POU6F1: variants seen among roughly 807,000 people sequenced by gnomAD.
POU6F1 encodes POU class 6 homeobox 1, also known as POU domain, class 6, transcription factor 1.
A neutral mutation model predicts 28.9 loss-of-function variants in POU6F1; 9 were observed. That is an observed-to-expected ratio of 0.31 (90% CI 0.19 to 0.54). POU6F1 has a LOEUF of 0.54. POU6F1 is among the 20% of genes least tolerant of loss of function. The pLI, the probability that POU6F1 is intolerant of heterozygous loss-of-function variation, is 0.94. For synonymous variants in POU6F1, 173 were observed against 171.1 expected (o/e 1.01, Z -0.09); for missense variants, 338 against 426.1 (o/e 0.79, Z 1.82).
In POU6F1 at chr12:51,203,059, G is replaced by A. The variant is rs1943331376; in HGVS notation, c.244+1114C>T. ...AAAATACCTCCCTTACCTGCTTGATGGTGACTAAAATTCCTTTATAGAGGA... is the reference window on the plus strand; with the variant it reads ...AAAATACCTCCCTTACCTGCTTGATAGTGACTAAAATTCCTTTATAGAGGA... On this transcript the variant is annotated intron_variant, in intron 3 of 10. Transcript: ENST00000333640. Among the ~76,000 whole-genome samples, 2 of 152,090 alleles carry A rather than the reference G, an allele frequency of 1.3e-5. 1 individual carries two copies. The highest frequency in any genetic ancestry group is 4.1e-4 in the South Asian group (2 of 4,830).
At chr12:51,206,714 T>A in intron 2 of POU6F1, 75 bp downstream of exon 2, 1 of 398,664 alleles carries the variant, frequency 2.5e-6, no homozygotes, top group Middle Eastern at 6.3e-4. Context: ...TGAAGGGCCC[T>A]GTGGAGTCCT....
chr12:51,217,397 C>G lies in POU6F1; in HGVS notation c.-48+245G>C, dbSNP rs933139892. 6.6e-6 allele frequency among the ~76,000 whole-genome samples: 1 copy of G among 151,960 alleles called. No homozygotes were observed. Among genetic ancestry groups the G allele is most frequent in the Non-Finnish European group, 1.5e-5 (1 of 67,938 alleles). On this transcript the variant is annotated intron_variant, in intron 1 of 10. Coordinates refer to ENST00000333640, the MANE Select transcript of POU6F1 (RefSeq NM_001330422.2). The surrounding 1 kb of genome is among the most constrained non-coding windows in gnomAD (Gnocchi z 5.3). ...AGGTCCAGAGCGGCCCGCGGGCGGG[C>G]GAGGGCGCGGCCCCCGGGTGTCTAG...
chr12:51,204,414 G>A, intron 2 of POU6F1, 46 bp from the exon 3 acceptor site: 2 of 399,084 alleles, frequency 5.0e-6, no homozygotes, highest in East Asian at 3.6e-5. Flanking sequence ...GGCCAGTATA[G>A]CCGCAGGGTC....
At chr12:51,198,379 C>T (rs1942985486) in intron 5 of POU6F1, among the ~76,000 whole-genome samples, 171 bp downstream of exon 5, 2 of 152,200 alleles carry the variant, frequency 1.3e-5, no homozygotes, top group African/African-American at 2.4e-5. Context: ...GGCCTACAGT[C>T]CCGAGGTGGT....
At chr12:51,203,464 G>A (rs990592864) in intron 3 of POU6F1, among the ~76,000 whole-genome samples, 9 of 152,012 alleles carry the variant, frequency 5.9e-5, no homozygotes, top group African/African-American at 2.2e-4. Context: ...TCCAGGCTAG[G>A]GAAAAATGGT....
chr12:51,190,144 C>CAGCTGCA lies in POU6F1; in HGVS notation c.*96_*102dup. 1.3e-6 allele frequency: 2 copies of CAGCTGCA among 1,493,180 alleles called. No homozygotes were observed. The highest frequency in any genetic ancestry group is 1.8e-6 in the Non-Finnish European group (2 of 1,122,536). The allele number at this position is 1,493,180 out of a possible 1,614,324, so 92.5% of individuals were successfully genotyped here. A position where few individuals can be genotyped will look rare whatever the true frequency, so the allele number is the denominator to read the frequency against. ...GGAGTCTGATGACCTGGGGTGAGCA[C>CAGCTGCA]AGCTGCACGTGGCAAAATGACAGGT... On this transcript the variant is annotated 3_prime_UTR_variant, in exon 11 of 11. Coordinates refer to ENST00000333640, the MANE Select transcript of POU6F1 (RefSeq NM_001330422.2). The surrounding 1 kb of genome is among the most constrained non-coding windows in gnomAD (Gnocchi z 4.5).
intron 1 of POU6F1, 143 bp from the exon 2 acceptor site, chr12:51,207,026 AAAG>A (rs1157594765): frequency 2.6e-6 from 1 of 377,874 alleles, no homozygotes; most frequent in African/African-American, 2.1e-5. Context: ...AAAAAAAAAA[AAAG>A]GATTCTTTTT....
intron 2 of POU6F1, among the ~76,000 whole-genome samples, chr12:51,205,661 C>T (rs1028808947): frequency 6.6e-6 from 1 of 152,154 alleles, no homozygotes; most frequent in Non-Finnish European, 1.5e-5. Flanking sequence ...TGGATCCAGT[C>T]GGAGGCTGTG....
chr12:51,212,074 G>GT lies in POU6F1; in HGVS notation c.-47-5192dup, dbSNP rs1379555089. On this transcript the variant is annotated intron_variant, in intron 1 of 10. Transcript: ENST00000333640. ...TGCCTTGCCTTTCGTTTTTTTTTTT[G>GT]TTTTTTTTGTTTTGTTTGTTTGTTT... is the stretch of plus-strand genomic sequence containing the variant. 3.3e-3 allele frequency among the ~76,000 whole-genome samples: 365 copies of GT among 110,896 alleles called. 2 individuals carry two copies. Among genetic ancestry groups the GT allele is most frequent in the African/African-American group, 6.2e-3 (188 of 30,098 alleles). The allele number at this position is 110,896 out of a possible 152,430, so 72.8% of individuals were successfully genotyped here.
chr12:51,199,576 G>A lies in POU6F1; in HGVS notation c.366+171C>T, dbSNP rs973866181. ...CCCTTTTCCAAATGGGCCTGATCTA[G>A]GCAGGGGTGAGGCTGGATGTGCCTA... On this transcript the variant is annotated intron_variant, in intron 4 of 10. Transcript: ENST00000333640. This position sits in a 1 kb window ranked among gnomAD's most constrained non-coding sequence, Gnocchi z 4.1. Among the ~76,000 whole-genome samples the A allele has an allele frequency of 2.1e-4, 32 of 152,326 alleles. No homozygotes were observed. The highest frequency in any genetic ancestry group is 7.7e-4 in the African/African-American group (32 of 41,562).
chr12:51,213,147 G>C (rs995079256), intron 1 of POU6F1, among the ~76,000 whole-genome samples: 1 of 152,152 alleles, frequency 6.6e-6, no homozygotes, highest in East Asian at 1.9e-4. Flanking sequence ...ATGTTGCCCA[G>C]GTTAGTCAGG....
In POU6F1 at chr12:51,190,821, G is replaced by A. The variant is rs143339630; in HGVS notation, c.1491-229C>T. On this transcript the variant is annotated intron_variant, in intron 10 of 10. Coordinates refer to ENST00000333640, the MANE Select transcript of POU6F1 (RefSeq NM_001330422.2). This position sits in a 1 kb window ranked among gnomAD's most constrained non-coding sequence, Gnocchi z 4.5. ...GTCCTAACAGGGAAACCATTCCCAC[G>A]GCCTCGGCTCAGTCAGTAGTGGAAT... Among the ~76,000 whole-genome samples, 11 of 152,144 alleles carry A rather than the reference G, an allele frequency of 7.2e-5. No homozygotes were observed. Among genetic ancestry groups the A allele is most frequent in the South Asian group, 2.1e-4 (1 of 4,816 alleles).
At position 51,190,144 on chromosome 12, in the gene POU6F1, C is replaced by T. The variant is rs949481129; in HGVS notation, c.*103G>A. On this transcript the variant is annotated 3_prime_UTR_variant, in exon 11 of 11. Transcript: ENST00000333640. This position sits in a 1 kb window ranked among gnomAD's most constrained non-coding sequence, Gnocchi z 4.5. ...GGAGTCTGATGACCTGGGGTGAGCA[C>T]AGCTGCACGTGGCAAAATGACAGGT... 6.7e-6 allele frequency: 10 copies of T among 1,493,062 alleles called. No individual in the cohort carries two copies. In the African/African-American group the frequency reaches 1.4e-4, roughly 21 times the overall value. 92.5% of individuals were successfully genotyped at this position (1,493,062 alleles called of 1,614,324 possible).
rs187855078 is a variant in POU6F1 at position 51,193,325 on chromosome 12, C to T, written c.1180-854G>A. ...AAATGTGGTCGGGCGCGGTGGCTCACGCACTTTGGGAAGCCAAAGGGGGCG... is the reference window on the plus strand; with the variant it reads ...AAATGTGGTCGGGCGCGGTGGCTCATGCACTTTGGGAAGCCAAAGGGGGCG... On this transcript the variant is annotated intron_variant, in intron 8 of 10. Transcript: ENST00000333640. Among the ~76,000 whole-genome samples, 40 of 152,262 alleles carry T rather than the reference C, an allele frequency of 2.6e-4. No homozygotes were observed. In the East Asian group the frequency reaches 6.0e-3, roughly 23 times the overall value.
In POU6F1 at chr12:51,189,784, T is replaced by G. The variant is rs1411736187; in HGVS notation, c.*463A>C. On this transcript the variant is annotated 3_prime_UTR_variant, in exon 11 of 11. Coordinates refer to ENST00000333640, the MANE Select transcript of POU6F1 (RefSeq NM_001330422.2). ...GCGGAAGGGCAGTGTGAGGCTGTGT[T>G]TCCACTGGATGAGTTGTCATACCTG... is the stretch of plus-strand genomic sequence containing the variant. 5.7e-6 allele frequency: 1 copy of G among 174,978 alleles called. No individual in the cohort carries two copies. Among genetic ancestry groups the G allele is most frequent in the Non-Finnish European group, 1.3e-5 (1 of 79,990 alleles). The allele number at this position is 174,978 out of a possible 1,614,324, so 10.8% of individuals were successfully genotyped here. A position where few individuals can be genotyped will look rare whatever the true frequency, so the allele number is the denominator to read the frequency against.
chr12:51,209,393 C>T (rs550463129), intron 1 of POU6F1, among the ~76,000 whole-genome samples: 39 of 152,330 alleles, frequency 2.6e-4, no homozygotes, highest in African/African-American at 9.1e-4. Context: ...GAATATGTCG[C>T]TTTGTGTGTC....
At chr12:51,198,179 C>T (rs572347004) in intron 5 of POU6F1, 156 bp from the exon 6 acceptor site, 8 of 397,734 alleles carry the variant, frequency 2.0e-5, no homozygotes, top group Admixed American at 4.4e-5. Context: ...GAAGGGCTGG[C>T]GCACGCCAGC....
At chr12:51,191,122 GA>G (rs1942379029) in intron 10 of POU6F1, among the ~76,000 whole-genome samples, 2 of 152,184 alleles carry the variant, frequency 1.3e-5, no homozygotes, top group Non-Finnish European at 2.9e-5. Context: ...ATTCTTGTTT[GA>G]AACTCTATCC....
intron 2 of POU6F1, among the ~76,000 whole-genome samples, chr12:51,205,718 G>A (rs531112966): frequency 2.6e-5 from 4 of 152,100 alleles, no homozygotes; most frequent in Non-Finnish European, 4.4e-5. Context: ...TGAGATGAGT[G>A]AAATACATCC....
Sources: allele counts gnomAD v4.1 joint callset (sites outside exome capture counted in the v4.1 genomes callset), GRCh38; gene constraint gnomAD v4.1.1; non-coding constraint Gnocchi (gnomAD v3.1); transcripts MANE v1.5; gene names NCBI Gene and HGNC (gene_info 2026-07-23, HGNC 2026-07-21).